ANKS1B: variants seen among roughly 807,000 people sequenced by gnomAD.
ANKS1B encodes ankyrin repeat and sterile alpha motif domain containing 1B, also known as ankyrin repeat and sterile alpha motif domain-containing protein 1B.
A neutral mutation model predicts 148.3 loss-of-function variants in ANKS1B; 36 were observed. The observed-to-expected ratio is 0.24, with a 90% CI of 0.19 to 0.32. The LOEUF is 0.32. Ranked by LOEUF, ANKS1B falls within the 10% of genes least tolerant of loss-of-function variation. The pLI is 1.00. For missense variants in ANKS1B, 1,157 were observed against 1,542.6 expected, an observed-to-expected ratio of 0.75 and a Z score of 4.19; for synonymous variants, 542 against 560.8, an observed-to-expected ratio of 0.97 and a Z score of 0.47.
intron 8 of ANKS1B, among the ~76,000 whole-genome samples, chr12:99,666,375 G>C (rs957765605): frequency 6.6e-6 from 1 of 152,124 alleles, no homozygotes; most frequent in Non-Finnish European, 1.5e-5. Context: ...AGTACAATTT[G>C]GGGAGAACAA....
At chr12:99,257,027 G>T (rs1266719268) in intron 12 of ANKS1B, among the ~76,000 whole-genome samples, 1 of 152,068 alleles carries the variant, frequency 6.6e-6, no homozygotes, top group Non-Finnish European at 1.5e-5. Flanking sequence ...GGTGGATCAC[G>T]AGGTCAGGAG....
intron 1 of ANKS1B, among the ~76,000 whole-genome samples, chr12:99,869,106 C>A (rs1261682692): frequency 1.3e-5 from 2 of 151,950 alleles, no homozygotes; most frequent in African/African-American, 4.8e-5. Context: ...AGAGATATAT[C>A]ATGCTGATGA....
At chr12:99,657,644 A>AATATATATATATAT (rs1195776897) in intron 8 of ANKS1B, among the ~76,000 whole-genome samples, 1 of 89,970 alleles carries the variant, frequency 1.1e-5, no homozygotes, top group Non-Finnish European at 2.2e-5. Flanking sequence ...AATCTGAAAG[A>AATATATATATATAT]GTATATATAT....
chr12:99,816,349 TCTTG>T (rs915015055), intron 2 of ANKS1B, among the ~76,000 whole-genome samples: 1 of 151,844 alleles, frequency 6.6e-6, no homozygotes, highest in African/African-American at 2.4e-5. Flanking sequence ...TTGTTTTTTT[TCTTG>T]CTTATTTGTT....
At chr12:99,772,755 A>G in intron 8 of ANKS1B, 167 bp downstream of exon 8, 1 of 571,098 alleles carries the variant, frequency 1.8e-6, no homozygotes, top group African/African-American at 1.9e-5. Context: ...TCCCCTACAC[A>G]TGCACTGCGA....
chr12:98,915,628 C>T lies in ANKS1B; in HGVS notation c.2779-83492G>A, dbSNP rs550461148. ...TTGGCCTCTCATAGTGCTGGGATTACAGGCATGAGCCATCGTGCCTGGCCA... is the reference window on the plus strand; with the variant it reads ...TTGGCCTCTCATAGTGCTGGGATTATAGGCATGAGCCATCGTGCCTGGCCA... On this transcript the variant is annotated intron_variant, in intron 17 of 26. Coordinates refer to ENST00000683438, the MANE Select transcript of ANKS1B (RefSeq NM_001352186.2). 1.4e-4 allele frequency among the ~76,000 whole-genome samples: 21 copies of T among 152,292 alleles called. No homozygotes were observed. The South Asian group carries it at 4.3e-3, about 32-fold the overall frequency.
At chr12:98,735,803 A>G (rs936381173) in intron 9 of ANKS1B, among the ~76,000 whole-genome samples, 1 of 152,218 alleles carries the variant, frequency 6.6e-6, no homozygotes, top group African/African-American at 2.4e-5. Flanking sequence ...AGAGGCAGAA[A>G]AAGTAAATAA....
intron 17 of ANKS1B, among the ~76,000 whole-genome samples, chr12:98,991,884 G>T (rs2099926769): frequency 6.6e-6 from 1 of 152,074 alleles, no homozygotes; most frequent in South Asian, 2.1e-4. Context: ...TATAAACAAA[G>T]TACTGTGAGA....
At chr12:99,011,199 A>G (rs60719448) in intron 17 of ANKS1B, among the ~76,000 whole-genome samples, 2,146 of 152,242 alleles carry the variant, frequency 0.014, 50 homozygotes, top group African/African-American at 0.049. Flanking sequence ...AAACTGGCCC[A>G]CAGAAACTGT....
In ANKS1B at chr12:99,443,659, T is replaced by C. The variant is rs2095587563; in HGVS notation, c.1575+14A>G. On this transcript the variant is annotated intron_variant, in intron 11 of 26. Transcript: ENST00000683438. Reference sequence around the variant, plus strand: ...ACACATTAGAGGGAAAATGATGCCATTCTGGGCACTTACCTGGGGTCGAAT... The same window carrying C: ...ACACATTAGAGGGAAAATGATGCCACTCTGGGCACTTACCTGGGGTCGAAT... 1 of 1,610,858 alleles carries C rather than the reference T, an allele frequency of 6.2e-7. No individual in the cohort carries two copies.
At chr12:99,339,052 C>A (rs533642241) in intron 12 of ANKS1B, among the ~76,000 whole-genome samples, 1 of 152,228 alleles carries the variant, frequency 6.6e-6, no homozygotes, top group Admixed American at 6.5e-5. Flanking sequence ...AGGTCATGTA[C>A]ACCCCAAGTC....
intron 8 of ANKS1B, among the ~76,000 whole-genome samples, chr12:99,753,841 G>C (rs2061333570): frequency 1.3e-5 from 2 of 151,968 alleles, no homozygotes; most frequent in Non-Finnish European, 2.9e-5. Flanking sequence ...GGCCAACATA[G>C]TGAAACCCCA....
chr12:99,949,360 G>C (rs952776557), intron 1 of ANKS1B, among the ~76,000 whole-genome samples: 4 of 152,176 alleles, frequency 2.6e-5, no homozygotes, highest in Admixed American at 2.6e-4. Context: ...ACATTTCCAG[G>C]AGGAACAGCA....
intron 12 of ANKS1B, among the ~76,000 whole-genome samples, chr12:99,260,357 C>T (rs2075792972): frequency 6.6e-6 from 1 of 152,144 alleles, no homozygotes; most frequent in African/African-American, 2.4e-5. Context: ...TTCAAAGTCA[C>T]CCAAATGTCC....
At chr12:99,012,872 A>C (rs1483652502) in intron 17 of ANKS1B, among the ~76,000 whole-genome samples, 4 of 152,220 alleles carry the variant, frequency 2.6e-5, no homozygotes, top group African/African-American at 9.6e-5. Flanking sequence ...AGGATTATGA[A>C]GATCCTGTCT....
rs80287072 is a variant in ANKS1B at position 99,002,054 on chromosome 12, T to C, written c.2778+51103A>G. ...ATTGTCTTTATCCATTCACCTGTGA[T>C]GGACACTTAGGTTGTTTCCATACCT... On this transcript the variant is annotated intron_variant, in intron 17 of 26. Coordinates refer to ENST00000683438, the MANE Select transcript of ANKS1B (RefSeq NM_001352186.2). Among the ~76,000 whole-genome samples the C allele has an allele frequency of 3.3e-3, 497 of 152,360 alleles. 3 individuals carry two copies. Among genetic ancestry groups the C allele is most frequent in the African/African-American group, 0.012 (482 of 41,586 alleles).
intron 17 of ANKS1B, among the ~76,000 whole-genome samples, chr12:98,894,337 A>G (rs1596429144): frequency 7.6e-6 from 1 of 131,138 alleles, no homozygotes; most frequent in Non-Finnish European, 1.6e-5. Flanking sequence ...ACCTCCTCAA[A>G]CTCCTCGGAA....
chr12:98,986,081 C>T (rs1264269059), intron 17 of ANKS1B, among the ~76,000 whole-genome samples: 1 of 152,090 alleles, frequency 6.6e-6, no homozygotes, highest in Non-Finnish European at 1.5e-5. Flanking sequence ...TTATTTTTAA[C>T]AAGAAGTTTG....
intron 9 of ANKS1B, among the ~76,000 whole-genome samples, chr12:99,634,868 C>T (rs573278038): frequency 1.3e-5 from 2 of 152,214 alleles, no homozygotes; most frequent in East Asian, 1.9e-4. Flanking sequence ...TCTTAAATCA[C>T]GTATATAAAG....
Sources: gnomAD v4.1 joint callset for allele counts (sites outside exome capture counted in the v4.1 genomes callset) on GRCh38, gnomAD v4.1.1 for gene constraint, MANE v1.5 for transcripts, NCBI Gene and HGNC (gene_info 2026-07-23, HGNC 2026-07-21) for gene names.